The following STOX2 variants were observed in gnomAD, a reference collection of about 807,000 sequenced individuals.
STOX2 encodes storkhead box 2, also known as storkhead-box protein 2.
Under a neutral mutation model 60.9 loss-of-function variants are expected in STOX2, and 28 were observed. The observed-to-expected ratio is 0.46, with a 90% CI of 0.34 to 0.63. The LOEUF (loss-of-function observed/expected upper bound fraction) is 0.63, where lower values mean the gene tolerates loss of function less well. Among genes scored for constraint, STOX2 ranks in the 30% least tolerant of loss-of-function variants. STOX2 has a pLI of 0.01. For missense variants in STOX2, 1,024 were observed against 1,187.7 expected (o/e 0.86, Z 2.03); for synonymous variants, 472 against 463.9 (o/e 1.02, Z -0.22).
At chr4:183,919,388 C>T (rs1487357880) in intron 1 of STOX2, among the ~76,000 whole-genome samples, 1 of 152,110 alleles carries the variant, frequency 6.6e-6, no homozygotes, top group Non-Finnish European at 1.5e-5. Flanking sequence ...GGCCGTGGGC[C>T]AGCTAGAGGT....
intron 1 of STOX2, among the ~76,000 whole-genome samples, chr4:183,907,233 C>G (rs1449135840): frequency 6.6e-6 from 1 of 152,206 alleles, no homozygotes; most frequent in East Asian, 1.9e-4. Flanking sequence ...CTGCAAGCCC[C>G]GGCGCTGCAG....
At chr4:183,926,726 C>G (rs918181021) in intron 1 of STOX2, among the ~76,000 whole-genome samples, 2 of 152,002 alleles carry the variant, frequency 1.3e-5, no homozygotes, top group African/African-American at 4.8e-5. Context: ...CGGGTTCAAG[C>G]AGTTCTCCTG....
intron 1 of STOX2, among the ~76,000 whole-genome samples, chr4:183,859,440 G>A (rs1740378955): frequency 6.6e-6 from 1 of 152,218 alleles, no homozygotes; most frequent in South Asian, 2.1e-4. Flanking sequence ...GAGCTCAGCT[G>A]GCAGTGACCA....
chr4:183,815,818 A>AT (rs1358748403), intron 1 of STOX2, among the ~76,000 whole-genome samples: 2 of 152,262 alleles, frequency 1.3e-5, no homozygotes, highest in Non-Finnish European at 2.9e-5. Flanking sequence ...TAAGGTATAA[A>AT]TGATGTTGAA....
chr4:183,914,123 G>A (rs1741863106), intron 1 of STOX2, among the ~76,000 whole-genome samples: 1 of 152,176 alleles, frequency 6.6e-6, no homozygotes, highest in Non-Finnish European at 1.5e-5. Context: ...AACCTGAGTA[G>A]GCCAAGGGAG....
At chr4:183,927,941 T>C (rs1217763593) in intron 1 of STOX2, among the ~76,000 whole-genome samples, 1 of 152,158 alleles carries the variant, frequency 6.6e-6, no homozygotes, top group Non-Finnish European at 1.5e-5. Flanking sequence ...CAAACCTGGC[T>C]CTGCGCCCCT....
At chr4:183,848,868 G>T (rs558279006) in intron 1 of STOX2, among the ~76,000 whole-genome samples, 1 of 152,246 alleles carries the variant, frequency 6.6e-6, no homozygotes, top group African/African-American at 2.4e-5. Context: ...GCTGGAACAG[G>T]AGCCCGAAGT....
intron 1 of STOX2, among the ~76,000 whole-genome samples, chr4:183,970,127 T>TAACTAC (rs1743695797): frequency 7.0e-6 from 1 of 143,282 alleles, no homozygotes; most frequent in African/African-American, 2.6e-5. Context: ...TCTCAGTCTA[T>TAACTAC]AACTACATGT....
At chr4:183,907,827 C>T (rs912801389) in intron 1 of STOX2, among the ~76,000 whole-genome samples, 2 of 152,310 alleles carry the variant, frequency 1.3e-5, no homozygotes, top group Admixed American at 1.3e-4. Flanking sequence ...CCTTACTTCT[C>T]CTTAACCACT....
chr4:183,851,180 G>A (rs1186931812), intron 1 of STOX2, among the ~76,000 whole-genome samples: 1 of 56,574 alleles, frequency 1.8e-5, no homozygotes, highest in Non-Finnish European at 3.8e-5. Context: ...ATGAGGGAAA[G>A]GATGAGAAAA....
At chr4:183,955,394 CT>C (rs34950919) in intron 1 of STOX2, among the ~76,000 whole-genome samples, 7 of 152,192 alleles carry the variant, frequency 4.6e-5, no homozygotes, top group African/African-American at 1.7e-4. Context: ...TAGCCTTTAA[CT>C]TTTTCCCCAG....
chr4:183,890,429 G>C (rs903309031), intron 1 of STOX2, among the ~76,000 whole-genome samples: 2 of 149,330 alleles, frequency 1.3e-5, no homozygotes, highest in Non-Finnish European at 3.0e-5. Flanking sequence ...GCTGCAGTGA[G>C]CCAAGGTTGC....
chr4:183,967,162 AGACCAGCCCGACCAACACGGAGAAAC>A (rs1743598156), intron 1 of STOX2, among the ~76,000 whole-genome samples: 3 of 152,154 alleles, frequency 2.0e-5, no homozygotes, highest in Non-Finnish European at 4.4e-5. Context: ...CGGGAGTTCA[AGACCAGCCCGACCAACACGGAGAAAC>A]TCCATCTCTA....
chr4:184,020,826 A>G lies in STOX2; in HGVS notation c.*3542A>G, dbSNP rs1017473200. The G allele has an allele frequency of 2.0e-5, 3 of 152,248 alleles. No individual in the cohort carries two copies. Among genetic ancestry groups the G allele is most frequent in the African/African-American group, 7.2e-5 (3 of 41,466 alleles). 9.4% of individuals were successfully genotyped at this position (152,248 alleles called of 1,614,324 possible). A position where few individuals can be genotyped will look rare whatever the true frequency, so the allele number is the denominator to read the frequency against. Reference sequence around the variant, plus strand: ...AATTCACAGTTAATCCGGAGTAACAATGATCTGAACACCAGCTGTTCCCAG... The same window carrying G: ...AATTCACAGTTAATCCGGAGTAACAGTGATCTGAACACCAGCTGTTCCCAG... On this transcript the variant is annotated 3_prime_UTR_variant, in exon 4 of 4. Transcript: ENST00000308497.
At chr4:183,840,114 G>A (rs1739820353) in intron 1 of STOX2, among the ~76,000 whole-genome samples, 1 of 152,074 alleles carries the variant, frequency 6.6e-6, no homozygotes, top group Non-Finnish European at 1.5e-5. Flanking sequence ...GCCAAAAAAT[G>A]TAAGCATGTA....
chr4:183,863,409 T>C (rs1429091098), intron 1 of STOX2, among the ~76,000 whole-genome samples: 2 of 152,198 alleles, frequency 1.3e-5, no homozygotes, highest in African/African-American at 2.4e-5. Flanking sequence ...TTGAAAGAGT[T>C]CAAGGATTTT....
intron 1 of STOX2, among the ~76,000 whole-genome samples, chr4:183,989,858 C>T (rs1733022525): frequency 6.6e-6 from 1 of 152,186 alleles, no homozygotes; most frequent in Non-Finnish European, 1.5e-5. Context: ...GAAAGCATGG[C>T]TTTACCCCCT....
chr4:183,877,155 C>T (rs1740848313), intron 1 of STOX2, among the ~76,000 whole-genome samples: 1 of 152,204 alleles, frequency 6.6e-6, no homozygotes, highest in Non-Finnish European at 1.5e-5. Context: ...GCTGAGTCTT[C>T]CATCTTTGGG....
At chr4:183,981,139 T>G (rs1732646449) in intron 1 of STOX2, among the ~76,000 whole-genome samples, 4 of 152,254 alleles carry the variant, frequency 2.6e-5, no homozygotes, top group African/African-American at 7.2e-5. Context: ...ATTGGGGCCA[T>G]ACACTGGCAG....
Sources: allele counts gnomAD v4.1 joint callset (sites outside exome capture counted in the v4.1 genomes callset), GRCh38; gene constraint gnomAD v4.1.1; transcripts MANE v1.5; gene names NCBI Gene and HGNC (gene_info 2026-07-23, HGNC 2026-07-21).